SLC2A13: variants seen among roughly 807,000 people sequenced by gnomAD.
The protein encoded by SLC2A13 is solute carrier family 2 member 13, also known as proton myo-inositol cotransporter.
A neutral mutation model predicts 64.4 loss-of-function variants in SLC2A13; 32 were observed. That is an observed-to-expected ratio of 0.50 (90% CI 0.37 to 0.67). SLC2A13 has a LOEUF of 0.67. SLC2A13 is among the 30% of genes least tolerant of loss of function. The probability of loss-of-function intolerance (pLI) is 0.00; values close to 1 mark genes in which losing one functional copy is unlikely to be tolerated. For missense variants in SLC2A13, 743 were observed against 829.2 expected (o/e 0.90, Z 1.28); for synonymous variants, 338 against 327.1 (o/e 1.03, Z -0.36).
At position 39,991,801 on chromosome 12, in the gene SLC2A13, C is replaced by CTT. The variant is rs66820991; in HGVS notation, c.925+36498_925+36499dup. Among the ~76,000 whole-genome samples the CTT allele has an allele frequency of 2.2e-3, 179 of 81,122 alleles. 1 individual carries two copies. The highest frequency in any genetic ancestry group is 7.6e-3 in the East Asian group (31 of 4,076). The allele number at this position is 81,122 out of a possible 152,430, so 53.2% of individuals were successfully genotyped here. On this transcript the variant is annotated intron_variant, in intron 3 of 9. Transcript: ENST00000280871. The stretch of plus-strand genomic sequence containing the variant: ...TCATTTCAAGATTATATTCTACTAT[C>CTT]TTTTTAAAAAAAAATGAAACGGTGA...
intron 3 of SLC2A13, among the ~76,000 whole-genome samples, chr12:39,983,147 C>A (rs1946947855): frequency 6.6e-6 from 1 of 151,762 alleles, no homozygotes; most frequent in African/African-American, 2.4e-5. Flanking sequence ...GAAACTGGAT[C>A]CCTTCCTTAC....
intron 2 of SLC2A13, among the ~76,000 whole-genome samples, chr12:40,036,732 T>G (rs1947993051): frequency 6.6e-6 from 1 of 152,178 alleles, no homozygotes; most frequent in South Asian, 2.1e-4. Context: ...CTTTGTTCTT[T>G]GAGATAGTTT....
chr12:39,830,265 G>A (rs1426976426), intron 6 of SLC2A13, 37 bp from the exon 7 acceptor site: 1 of 1,600,428 alleles, frequency 6.2e-7, no homozygotes, highest in Non-Finnish European at 8.5e-7. Context: ...TGTTGGCAGA[G>A]ACAACTGGTG....
intron 1 of SLC2A13, among the ~76,000 whole-genome samples, chr12:40,054,872 A>G (rs764047098): frequency 5.3e-5 from 8 of 152,234 alleles, no homozygotes; most frequent in Non-Finnish European, 1.0e-4. Flanking sequence ...GGCAACAACT[A>G]ATTAGCTTCT....
At chr12:39,932,740 A>C (rs561612696) in intron 4 of SLC2A13, among the ~76,000 whole-genome samples, 1 of 152,220 alleles carries the variant, frequency 6.6e-6, no homozygotes, top group Non-Finnish European at 1.5e-5. Context: ...AGCCACAATG[A>C]GATACAGAGG....
chr12:39,919,057 T>C (rs1399873212), intron 4 of SLC2A13, among the ~76,000 whole-genome samples: 1 of 151,712 alleles, frequency 6.6e-6, no homozygotes, highest in African/African-American at 2.4e-5. Context: ...CATAGCTCCC[T>C]GCCACCTCCG....
At chr12:39,899,659 C>G (rs1945031194) in intron 4 of SLC2A13, among the ~76,000 whole-genome samples, 1 of 151,760 alleles carries the variant, frequency 6.6e-6, no homozygotes, top group South Asian at 2.1e-4. Context: ...TGAATGTGTC[C>G]CAGAGATTCT....
chr12:39,766,219 A>G (rs1940343428), intron 7 of SLC2A13, among the ~76,000 whole-genome samples: 1 of 152,046 alleles, frequency 6.6e-6, no homozygotes, highest in Admixed American at 6.6e-5. Context: ...TGCTCAGCTT[A>G]GACCACGCCA....
At chr12:39,899,857 A>G (rs1448700953) in intron 4 of SLC2A13, among the ~76,000 whole-genome samples, 5 of 151,916 alleles carry the variant, frequency 3.3e-5, no homozygotes, top group African/African-American at 9.7e-5. Flanking sequence ...AGTTTGTTAT[A>G]ATTTCTGTTC....
chr12:39,946,716 C>T (rs1333938021), intron 4 of SLC2A13, among the ~76,000 whole-genome samples: 2 of 152,196 alleles, frequency 1.3e-5, no homozygotes, highest in East Asian at 1.9e-4. Context: ...ACCATGTTCC[C>T]GCAACAGCCC....
chr12:40,012,323 AGAG>A (rs1448256522), intron 3 of SLC2A13, among the ~76,000 whole-genome samples: 3 of 152,198 alleles, frequency 2.0e-5, no homozygotes, highest in Middle Eastern at 3.2e-3. Flanking sequence ...TTTGAATGCT[AGAG>A]AAGATATTAA....
chr12:39,759,809 T>C lies in SLC2A13; in HGVS notation c.*217A>G, dbSNP rs1940069031. On this transcript the variant is annotated 3_prime_UTR_variant, in exon 10 of 10. Transcript: ENST00000280871. ...ACACATTTGCTTAAGAATTATTAGATTAAAATCTCTGTAAATATTTTTTAA... is the reference window on the plus strand; with the variant it reads ...ACACATTTGCTTAAGAATTATTAGACTAAAATCTCTGTAAATATTTTTTAA... 2 of 520,472 alleles carry C rather than the reference T, an allele frequency of 3.8e-6. No individual in the cohort carries two copies. Among genetic ancestry groups the C allele is most frequent in the South Asian group, 2.6e-5 (1 of 38,108 alleles). 32.2% of individuals were successfully genotyped at this position (520,472 alleles called of 1,614,324 possible).
rs566325761 is a variant in SLC2A13 at position 39,756,100 on chromosome 12, T to C, written c.*3926A>G. The C allele has an allele frequency of 1.8e-4, 28 of 152,100 alleles. No homozygotes were observed. The highest frequency in any genetic ancestry group is 6.7e-4 in the African/African-American group (28 of 41,548). The allele number at this position is 152,100 out of a possible 1,614,324, so 9.4% of individuals were successfully genotyped here. A position where few individuals can be genotyped will look rare whatever the true frequency, so the allele number is the denominator to read the frequency against. On this transcript the variant is annotated 3_prime_UTR_variant, in exon 10 of 10. Coordinates refer to ENST00000280871, the MANE Select transcript of SLC2A13 (RefSeq NM_052885.4). ...TACAACCTGAACCATTTCATCAAAT[T>C]GGCTTTACATTATTGTACATGAGGC...
At chr12:39,786,027 T>C (rs566085142) in intron 7 of SLC2A13, among the ~76,000 whole-genome samples, 2 of 152,268 alleles carry the variant, frequency 1.3e-5, no homozygotes, top group Admixed American at 6.5e-5. Flanking sequence ...CTGTGGACTT[T>C]TGAGTTAATG....
chr12:39,848,211 C>T (rs1943370817), intron 6 of SLC2A13, among the ~76,000 whole-genome samples: 1 of 152,076 alleles, frequency 6.6e-6, no homozygotes, highest in Non-Finnish European at 1.5e-5. Flanking sequence ...TTGCACACAG[C>T]AAAAGAAACT....
Position 39,764,830 on chromosome 12 carries a change from C to CTTT in SLC2A13, c.1473_1474insAAA (p.Thr491_Glu492insLys). ...AAATTGTAAGCCCAAAATATATCTT[C>CTTT]TGTTTTGAACTTGGTTTCATTTTCA... On this transcript the variant is annotated inframe_insertion, in exon 8 of 10. Coordinates refer to ENST00000280871, the MANE Select transcript of SLC2A13 (RefSeq NM_052885.4). The CTTT allele has an allele frequency of 6.2e-7, 1 of 1,612,268 alleles. No individual in the cohort carries two copies. The highest frequency in any genetic ancestry group is 8.5e-7 in the Non-Finnish European group (1 of 1,179,048).
chr12:40,033,191 AG>A (rs1233075820), intron 2 of SLC2A13, among the ~76,000 whole-genome samples: 1 of 152,254 alleles, frequency 6.6e-6, no homozygotes, highest in Non-Finnish European at 1.5e-5. Context: ...GTTAAAATCC[AG>A]GAAGTCTGGC....
chr12:39,986,606 A>G (rs1429259813), intron 3 of SLC2A13, among the ~76,000 whole-genome samples: 1 of 152,102 alleles, frequency 6.6e-6, no homozygotes, highest in Non-Finnish European at 1.5e-5. Context: ...TGATTGCTAT[A>G]AAACTTTCTA....
At chr12:39,830,554 C>A in intron 6 of SLC2A13, 1 of 950,192 alleles carries the variant, frequency 1.1e-6, no homozygotes, top group Non-Finnish European at 1.3e-6. Context: ...GATTTGTTAC[C>A]AAACTGTAGA....
Sources: gnomAD v4.1 joint callset for allele counts (sites outside exome capture counted in the v4.1 genomes callset) on GRCh38, gnomAD v4.1.1 for gene constraint, MANE v1.5 for transcripts, NCBI Gene and HGNC (gene_info 2026-07-23, HGNC 2026-07-21) for gene names.